FAM149B1: variants seen among roughly 807,000 people sequenced by gnomAD.
The protein encoded by FAM149B1 is family with sequence similarity 149 member B1.
A neutral mutation model predicts 75.3 loss-of-function variants in FAM149B1; 56 were observed. That is an observed-to-expected ratio of 0.74 (90% CI 0.60 to 0.93). The LOEUF is 0.93. Among genes scored for constraint, FAM149B1 ranks in the 40% least tolerant of loss-of-function variants. FAM149B1 has a pLI of 0.00. For missense variants in FAM149B1, 639 were observed against 708.4 expected (o/e 0.90, Z 1.11); for synonymous variants, 259 against 256.1 (o/e 1.01, Z -0.11).
At chr10:73,239,196 T>C in intron 12 of FAM149B1, 116 bp from the exon 13 acceptor site, 1 of 797,054 alleles carries the variant, frequency 1.3e-6, no homozygotes, top group Non-Finnish European at 2.0e-6. Context: ...TTCCCTCAAG[T>C]TGGTAGTCTA....
intron 3 of FAM149B1, among the ~76,000 whole-genome samples, chr10:73,184,399 C>T (rs1370564324): frequency 1.3e-5 from 2 of 151,902 alleles, no homozygotes; most frequent in African/African-American, 4.8e-5. Context: ...TAATACCCCA[C>T]TCTCAATACT....
chr10:73,218,486 G>T (rs1486270185), intron 7 of FAM149B1, among the ~76,000 whole-genome samples: 3 of 152,106 alleles, frequency 2.0e-5, no homozygotes, highest in African/African-American at 7.2e-5. Context: ...GCTCTTCATG[G>T]TATCAGTGGG....
At chr10:73,233,691 C>A (rs904468830) in intron 10 of FAM149B1, among the ~76,000 whole-genome samples, 1 of 152,172 alleles carries the variant, frequency 6.6e-6, no homozygotes, top group Non-Finnish European at 1.5e-5. Flanking sequence ...TTCTGTTGAT[C>A]TAGCTAAAGA....
intron 7 of FAM149B1, among the ~76,000 whole-genome samples, chr10:73,218,855 T>G (rs1164453982): frequency 6.6e-6 from 1 of 152,156 alleles, no homozygotes; most frequent in South Asian, 2.1e-4. Flanking sequence ...CCCCTCAATT[T>G]ATCTCTCTCA....
intron 10 of FAM149B1, 87 bp downstream of exon 10, chr10:73,233,250 C>A (rs2043752851): frequency 9.4e-6 from 9 of 955,536 alleles, no homozygotes; most frequent in Admixed American, 2.1e-5. Context: ...AGACTGAAAT[C>A]TATGCCTAGA....
At chr10:73,238,796 G>A (rs2043881061) in intron 12 of FAM149B1, 1 of 152,260 alleles carries the variant, frequency 6.6e-6, no homozygotes. Flanking sequence ...TTTGATATTT[G>A]CATTTTAATA....
At chr10:73,227,736 G>C (rs953863822) in intron 7 of FAM149B1, among the ~76,000 whole-genome samples, 1 of 152,146 alleles carries the variant, frequency 6.6e-6, no homozygotes, top group Non-Finnish European at 1.5e-5. Flanking sequence ...ATAGCTATAG[G>C]AGGGTGGTGG....
At chr10:73,223,089 C>A (rs916504637) in intron 7 of FAM149B1, among the ~76,000 whole-genome samples, 3 of 152,126 alleles carry the variant, frequency 2.0e-5, no homozygotes, top group Non-Finnish European at 4.4e-5. Context: ...TAATATACTT[C>A]AGCCTGGATG....
Position 73,234,926 on chromosome 10 carries a change from C to A in FAM149B1, c.1462C>A (p.Pro488Thr), listed in dbSNP as rs1483390182. 6.4e-7 allele frequency: 1 copy of A among 1,551,984 alleles called. No homozygotes were observed. The highest frequency in any genetic ancestry group is 8.7e-7 in the Non-Finnish European group (1 of 1,147,042). The change falls in exon 11 of 14, where the codon CCA becomes ACA. Residue 488 changes from proline (P) to threonine (T), a missense_variant. Physicochemically the swap from Pro to Thr is conservative, Grantham distance 38 (BLOSUM62 -1). Transcript: ENST00000242505. ...AGTGGAACATGTGAGCACTGTGGGG[C>A]CACAAAGACAGATGGTATGTTTCTT... Reference protein sequence around the residue: ...AEVEHVSTVGPQRQMKPHGDS... With the variant: ...AEVEHVSTVGTQRQMKPHGDS...
Position 73,215,837 on chromosome 10 carries a change from T to C in FAM149B1, c.898+5399T>C, listed in dbSNP as rs201802115. Among the ~76,000 whole-genome samples the C allele has an allele frequency of 2.0e-4, 30 of 152,374 alleles. No homozygotes were observed. In the East Asian group the frequency reaches 4.8e-3, roughly 24 times the overall value. On this transcript the variant is annotated intron_variant, in intron 7 of 13. Transcript: ENST00000242505. ...TTGTTTTATGGCCTAATATTTGGTC[T>C]GTCTTGGAGAATTTTCCATGTGCTG...
chr10:73,231,797 G>T (rs115110232), intron 9 of FAM149B1, among the ~76,000 whole-genome samples: 1 of 152,086 alleles, frequency 6.6e-6, no homozygotes, highest in Non-Finnish European at 1.5e-5. Flanking sequence ...GTCGGATCTA[G>T]AGACCAATCT....
chr10:73,237,073 A>C (rs953417664), intron 12 of FAM149B1, among the ~76,000 whole-genome samples: 2 of 152,014 alleles, frequency 1.3e-5, no homozygotes, highest in Admixed American at 1.3e-4. Context: ...CCCTCTTCTT[A>C]TAAGATACCA....
At chr10:73,209,466 AAAAAG>A (rs1158207129) in intron 6 of FAM149B1, among the ~76,000 whole-genome samples, 2 of 152,194 alleles carry the variant, frequency 1.3e-5, no homozygotes, top group African/African-American at 2.4e-5. Flanking sequence ...AAACAAAACA[AAAAAG>A]AAAAGAAAAA....
At chr10:73,189,133 T>A (rs1589147332) in intron 3 of FAM149B1, among the ~76,000 whole-genome samples, 1 of 152,136 alleles carries the variant, frequency 6.6e-6, no homozygotes. Context: ...ACGTAGCATG[T>A]AGAAAGATGC....
chr10:73,190,997 G>A (rs149827596), intron 3 of FAM149B1, among the ~76,000 whole-genome samples: 7 of 152,240 alleles, frequency 4.6e-5, no homozygotes, highest in Non-Finnish European at 7.4e-5. Flanking sequence ...GAGATTACAG[G>A]TGTGAACCTC....
At chr10:73,218,176 T>C (rs564809005) in intron 7 of FAM149B1, among the ~76,000 whole-genome samples, 1 of 152,306 alleles carries the variant, frequency 6.6e-6, no homozygotes, top group East Asian at 1.9e-4. Flanking sequence ...AAAGGGTTCA[T>C]AGCAATTCTG....
chr10:73,234,613 G>A, intron 10 of FAM149B1: 3 of 569,684 alleles, frequency 5.3e-6, no homozygotes, highest in Non-Finnish European at 9.3e-6. Flanking sequence ...CCAGAGTATA[G>A]AGCTTCAAAA....
At chr10:73,168,516 C>A in intron 1 of FAM149B1, 130 bp downstream of exon 1, 1 of 1,127,230 alleles carries the variant, frequency 8.9e-7, no homozygotes, top group South Asian at 1.5e-5. Context: ...TCTCTCCTCT[C>A]AGCCCTGCTG....
intron 2 of FAM149B1, among the ~76,000 whole-genome samples, chr10:73,175,933 G>A (rs58598677): frequency 0.16 from 23,980 of 152,014 alleles, 3,144 homozygotes; most frequent in African/African-American, 0.34. Context: ...GTGGAAGACA[G>A]TTTTTCCATG....
Sources: allele counts gnomAD v4.1 joint callset (sites outside exome capture counted in the v4.1 genomes callset), GRCh38; gene constraint gnomAD v4.1.1; transcripts MANE v1.5; gene names NCBI Gene and HGNC (gene_info 2026-07-23, HGNC 2026-07-21).